GCSAML: variants seen among roughly 807,000 people sequenced by gnomAD.
The protein encoded by GCSAML is germinal center associated signaling and motility like, also known as germinal center-associated signaling and motility-like protein.
Under a neutral mutation model 13.0 loss-of-function variants are expected in GCSAML, and 9 were observed. The observed-to-expected ratio is 0.69, with a 90% CI of 0.42 to 1.21. The LOEUF is 1.21. Among genes scored for constraint, GCSAML ranks in the 50% most tolerant of loss-of-function variants. The pLI, the probability that GCSAML is intolerant of heterozygous loss-of-function variation, is 0.00. For synonymous variants in GCSAML, 37 were observed against 52.9 expected, an observed-to-expected ratio of 0.70 and a Z score of 1.31; for missense variants, 143 against 153.4, an observed-to-expected ratio of 0.93 and a Z score of 0.36.
At chr1:247,544,218 A>G (rs1263666236), upstream of GCSAML, among the ~76,000 whole-genome samples, 1 of 152,212 alleles carries the variant, frequency 6.6e-6, no homozygotes, top group Non-Finnish European at 1.5e-5. Flanking sequence ...ATTAGGCCAC[A>G]GATCTGTAGA....
chr1:247,575,163 T>A lies in GCSAML; in HGVS notation c.*781T>A, dbSNP rs1219935305. The A allele has an allele frequency of 1.3e-5, 2 of 152,164 alleles. No individual in the cohort carries two copies. The highest frequency in any genetic ancestry group is 1.3e-4 in the Admixed American group (2 of 15,268). The allele number at this position is 152,164 out of a possible 1,614,324, so 9.4% of individuals were successfully genotyped here. On this transcript the variant is annotated 3_prime_UTR_variant, in exon 5 of 5. Transcript: ENST00000366488. ...TGTGCACTTTCCATTTAATGATTTA[T>A]GTCTTTGCTTGTAACTCCTGTCTCC...
intron 2 of GCSAML, among the ~76,000 whole-genome samples, chr1:247,560,080 C>T (rs962628051): frequency 6.6e-5 from 10 of 152,252 alleles, no homozygotes; most frequent in East Asian, 1.9e-4. Flanking sequence ...ACATTTCCAG[C>T]GGCCACAGCA....
intron 3 of GCSAML, among the ~76,000 whole-genome samples, chr1:247,564,392 A>G (rs12117880): frequency 1.3e-5 from 2 of 151,664 alleles, no homozygotes; most frequent in Middle Eastern, 3.4e-3. Context: ...TAAAAAAAAA[A>G]AAAAAAAAGA....
At chr1:247,565,792 C>T (rs2103062770) in intron 3 of GCSAML, 139 bp from the exon 4 acceptor site, 1 of 645,536 alleles carries the variant, frequency 1.5e-6, no homozygotes, top group Admixed American at 3.7e-5. Flanking sequence ...AATGTCATGT[C>T]AGATGTTTAG....
At chr1:247,546,044 A>T (rs1306158061), upstream of GCSAML, among the ~76,000 whole-genome samples, 1 of 152,210 alleles carries the variant, frequency 6.6e-6, no homozygotes, top group Non-Finnish European at 1.5e-5. Context: ...TGGTAGCATA[A>T]ATGTACGCAT....
intron 2 of GCSAML, chr1:247,532,040 T>C: frequency 6.2e-7 from 1 of 1,614,140 alleles, no homozygotes; most frequent in Non-Finnish European, 8.5e-7. Context: ...GAGCCCACCA[T>C]GCTGGTGGTC....
intron 4 of GCSAML, among the ~76,000 whole-genome samples, chr1:247,570,028 T>G (rs1353901990): frequency 6.6e-6 from 1 of 152,222 alleles, no homozygotes; most frequent in African/African-American, 2.4e-5. Context: ...TGGTAGTTTG[T>G]ATTTCTGTGG....
chr1:247,552,295 G>A (rs1447605028), intron 1 of GCSAML, among the ~76,000 whole-genome samples: 4 of 152,214 alleles, frequency 2.6e-5, no homozygotes, highest in African/African-American at 7.2e-5. Flanking sequence ...GAAAGTAAAT[G>A]CATTCCCAAG....
At chr1:247,556,945 C>T (rs901159767) in intron 2 of GCSAML, among the ~76,000 whole-genome samples, 4 of 152,208 alleles carry the variant, frequency 2.6e-5, no homozygotes, top group African/African-American at 4.8e-5. Context: ...GTTCCTCACT[C>T]TCTACCTTCA....
At chr1:247,566,535 GTCCAGCCTATTATTTTAATTT>G (rs1359857092) in intron 4 of GCSAML, among the ~76,000 whole-genome samples, 1 of 152,146 alleles carries the variant, frequency 6.6e-6, no homozygotes, top group African/African-American at 2.4e-5. Flanking sequence ...TAGTCACTGT[GTCCAGCCTATTATTTTAATTT>G]TCAAAGCTAT....
intron 2 of GCSAML, among the ~76,000 whole-genome samples, chr1:247,542,510 G>A (rs1479408216): frequency 6.6e-6 from 1 of 152,190 alleles, no homozygotes; most frequent in Non-Finnish European, 1.5e-5. Context: ...TGTACTTTGA[G>A]TGTCCAAATA....
rs971160345 is a variant in GCSAML, at chr1:247,526,215, C to T, written c.-262-725C>T. 3 of 152,174 alleles carry T rather than the reference C, an allele frequency of 2.0e-5. No individual in the cohort carries two copies. Among genetic ancestry groups the T allele is most frequent in the Non-Finnish European group, 4.4e-5 (3 of 68,026 alleles). 9.4% of individuals were successfully genotyped at this position (152,174 alleles called of 1,614,324 possible). A position where few individuals can be genotyped will look rare whatever the true frequency, so the allele number is the denominator to read the frequency against. ...AGCCTGCTATTCCCTGGGTTAGTTT[C>T]TGAATTCTTGCATTCCTTTCTTACC... On this transcript the variant is annotated intron_variant, in intron 1 of 5. Coordinates refer to the GCSAML transcript ENST00000366489. This position sits in a 1 kb window ranked among gnomAD's most constrained non-coding sequence, Gnocchi z 4.8.
chr1:247,531,209 T>G, intron 2 of GCSAML: 1 of 269,412 alleles, frequency 3.7e-6, no homozygotes, highest in Non-Finnish European at 7.1e-6. Flanking sequence ...GCTCTCAGCG[T>G]CGTCAAAGTT....
At chr1:247,538,893 G>A (rs986084103) in intron 2 of GCSAML, 1 of 356,006 alleles carries the variant, frequency 2.8e-6, no homozygotes, top group South Asian at 2.2e-5. Context: ...AAGCTCCAGT[G>A]CAACACTTTA....
chr1:247,546,046 T>C (rs182005655), upstream of GCSAML, among the ~76,000 whole-genome samples: 2 of 152,340 alleles, frequency 1.3e-5, no homozygotes, highest in East Asian at 1.9e-4. Context: ...GTAGCATAAA[T>C]GTACGCATAT....
At chr1:247,570,899 C>T (rs764408633) in intron 4 of GCSAML, among the ~76,000 whole-genome samples, 33 of 152,136 alleles carry the variant, frequency 2.2e-4, no homozygotes, top group African/African-American at 3.4e-4. Flanking sequence ...CTCCTGTATT[C>T]GGTGCATATA....
At chr1:247,514,462 T>TTTTTAGTTTACTTAAGTGC (rs1365375640) in intron 1 of GCSAML, among the ~76,000 whole-genome samples, 1 of 150,546 alleles carries the variant, frequency 6.6e-6, no homozygotes, top group Non-Finnish European at 1.5e-5. Flanking sequence ...GTGCAGAAGC[T>TTTTTAGTTTACTTAAGTGC]TTTTAGTTTA....
intron 2 of GCSAML, among the ~76,000 whole-genome samples, chr1:247,542,869 A>G (rs994614320): frequency 6.6e-6 from 1 of 152,258 alleles, no homozygotes; most frequent in Non-Finnish European, 1.5e-5. Flanking sequence ...AAAAAATAGA[A>G]TTTGCCCCAG....
At chr1:247,569,924 G>T (rs1476661853) in intron 4 of GCSAML, among the ~76,000 whole-genome samples, 1 of 152,140 alleles carries the variant, frequency 6.6e-6, no homozygotes, top group Non-Finnish European at 1.5e-5. Flanking sequence ...CTTCTTCCTG[G>T]TTTAGTCTTG....
Sources: allele counts gnomAD v4.1 joint callset (sites outside exome capture counted in the v4.1 genomes callset), GRCh38; gene constraint gnomAD v4.1.1; non-coding constraint Gnocchi (gnomAD v3.1); transcripts MANE v1.5; gene names NCBI Gene and HGNC (gene_info 2026-07-23, HGNC 2026-07-21).